SGCZ: variants seen among roughly 807,000 people sequenced by gnomAD.
SGCZ encodes the protein sarcoglycan zeta, also known as zeta-sarcoglycan.
SGCZ carries 40 observed loss-of-function variants against 41.3 expected under a neutral mutation model. The ratio of observed to expected loss-of-function variants is 0.97; its 90% confidence interval spans 0.75 to 1.26. SGCZ has a LOEUF of 1.26. Among genes scored for constraint, SGCZ ranks in the 50% most tolerant of loss-of-function variants. The pLI is 0.00. For missense variants in SGCZ, 552 were observed against 369.8 expected, an observed-to-expected ratio of 1.49 and a Z score of -4.04; for synonymous variants, 206 against 137.5, an observed-to-expected ratio of 1.50 and a Z score of -3.49.
intron 4 of SGCZ, among the ~76,000 whole-genome samples, chr8:14,232,544 GA>G (rs1307400449): frequency 6.6e-6 from 1 of 151,940 alleles, no homozygotes; most frequent in Non-Finnish European, 1.5e-5. Flanking sequence ...AGAAATTAAA[GA>G]TTATAATTAA....
intron 1 of SGCZ, among the ~76,000 whole-genome samples, chr8:14,622,254 G>C (rs376293864): frequency 2.0e-4 from 31 of 152,292 alleles, no homozygotes; most frequent in Non-Finnish European, 3.1e-4. Context: ...GGAGGAGGTA[G>C]TGAGTAACTG....
rs577290838 is a variant in SGCZ, at chr8:14,835,608, T to A, written c.40-280682A>T. Reference sequence around the variant, plus strand: ...TAAATAAGGCTGGGCCCAGTACCAATCCTTGAGGCACCCTGCTAGACACCT... The same window carrying A: ...TAAATAAGGCTGGGCCCAGTACCAAACCTTGAGGCACCCTGCTAGACACCT... On this transcript the variant is annotated intron_variant, in intron 1 of 7. Coordinates refer to ENST00000382080, the MANE Select transcript of SGCZ (RefSeq NM_139167.4). Among the ~76,000 whole-genome samples, 10 of 152,304 alleles carry A rather than the reference T, an allele frequency of 6.6e-5. No homozygotes were observed. In the South Asian group the frequency reaches 1.7e-3, roughly 25 times the overall value.
chr8:14,619,769 C>T (rs904898905), intron 1 of SGCZ, among the ~76,000 whole-genome samples: 4 of 152,100 alleles, frequency 2.6e-5, no homozygotes, highest in Non-Finnish European at 5.9e-5. Flanking sequence ...GAACTACAAA[C>T]CACGCTCAAC....
chr8:15,133,887 T>C (rs1808009334), intron 1 of SGCZ, among the ~76,000 whole-genome samples: 1 of 152,198 alleles, frequency 6.6e-6, no homozygotes, highest in Admixed American at 6.5e-5. Flanking sequence ...TTGCTAATTT[T>C]TGAGGGAAGT....
At chr8:14,245,097 C>A (rs1256161730) in intron 3 of SGCZ, among the ~76,000 whole-genome samples, 1 of 152,126 alleles carries the variant, frequency 6.6e-6, no homozygotes, top group Non-Finnish European at 1.5e-5. Flanking sequence ...CCTTCTCCTG[C>A]CTAATTGCCC....
intron 3 of SGCZ, among the ~76,000 whole-genome samples, chr8:14,252,390 G>C (rs184719885): frequency 2.0e-5 from 3 of 151,938 alleles, no homozygotes; most frequent in African/African-American, 7.2e-5. Context: ...CTGAAGCATT[G>C]ATACATATAT....
chr8:14,475,582 T>C (rs980416779), intron 2 of SGCZ, among the ~76,000 whole-genome samples: 3 of 152,186 alleles, frequency 2.0e-5, no homozygotes, highest in African/African-American at 4.8e-5. Context: ...GTTTTATGTC[T>C]TTATTGGTTG....
At chr8:14,097,247 C>T (rs1054695336) in intron 7 of SGCZ, among the ~76,000 whole-genome samples, 3 of 152,120 alleles carry the variant, frequency 2.0e-5, no homozygotes, top group Admixed American at 6.5e-5. Flanking sequence ...TATAAATTTC[C>T]CTCTACACAG....
intron 1 of SGCZ, among the ~76,000 whole-genome samples, chr8:15,099,670 A>G (rs1479196285): frequency 6.6e-6 from 1 of 152,214 alleles, no homozygotes; most frequent in East Asian, 1.9e-4. Context: ...CAAAAAAGAG[A>G]AAATTACACC....
At chr8:15,119,963 C>A (rs1439819051) in intron 1 of SGCZ, among the ~76,000 whole-genome samples, 1 of 151,440 alleles carries the variant, frequency 6.6e-6, no homozygotes. Flanking sequence ...GTGCATTCCA[C>A]CAAGCTCGGT....
At chr8:14,459,623 AC>A (rs1563343578) in intron 2 of SGCZ, among the ~76,000 whole-genome samples, 2 of 152,104 alleles carry the variant, frequency 1.3e-5, no homozygotes, top group East Asian at 3.9e-4. Context: ...TTATACAAGG[AC>A]AAAAACAGTA....
intron 1 of SGCZ, among the ~76,000 whole-genome samples, chr8:15,184,188 A>G (rs1421543663): frequency 6.6e-6 from 1 of 152,224 alleles, no homozygotes; most frequent in Non-Finnish European, 1.5e-5. Context: ...GTAATTATAA[A>G]TTCTTCATCA....
At chr8:14,554,238 G>A (rs1803961273) in intron 2 of SGCZ, among the ~76,000 whole-genome samples, 1 of 152,052 alleles carries the variant, frequency 6.6e-6, no homozygotes, top group South Asian at 2.1e-4. Context: ...ATTAGTCAAT[G>A]TACTTCAGGA....
Position 14,259,458 on chromosome 8 carries a change from T to C in SGCZ, c.337-21779A>G, listed in dbSNP as rs1430838515. On this transcript the variant is annotated intron_variant, in intron 3 of 7. Transcript: ENST00000382080. ...TATGGTTTTAGGTCGAACGTTTAAG[T>C]CTTTAATCCATCTTGAATTGATTTT... Among the ~76,000 whole-genome samples the C allele has an allele frequency of 6.0e-5, 9 of 150,894 alleles. No homozygotes were observed. In the East Asian group the frequency reaches 1.2e-3, roughly 20 times the overall value.
intron 2 of SGCZ, among the ~76,000 whole-genome samples, chr8:14,472,929 C>A (rs1175313451): frequency 1.3e-5 from 2 of 152,106 alleles, no homozygotes; most frequent in African/African-American, 2.4e-5. Context: ...AAGTTACCCC[C>A]ATCTTCTTGT....
intron 1 of SGCZ, among the ~76,000 whole-genome samples, chr8:15,068,779 C>A (rs1025756363): frequency 1.3e-5 from 2 of 152,114 alleles, no homozygotes; most frequent in African/African-American, 2.4e-5. Flanking sequence ...TTAATAAATT[C>A]TCTCATTTAA....
At chr8:14,178,962 G>C (rs1871099) in intron 4 of SGCZ, among the ~76,000 whole-genome samples, 48,112 of 152,064 alleles carry the variant, frequency 0.32, 8,304 homozygotes, top group East Asian at 0.69. Context: ...TCAGTTCTGT[G>C]ATAGGAGGAA....
chr8:14,262,846 T>G (rs1323807620), intron 3 of SGCZ, among the ~76,000 whole-genome samples: 1 of 149,908 alleles, frequency 6.7e-6, no homozygotes, highest in Non-Finnish European at 1.5e-5. Context: ...GCACAGAGCT[T>G]CTTGAATTAG....
chr8:14,474,998 A>G (rs1287873186), intron 2 of SGCZ, among the ~76,000 whole-genome samples: 1 of 152,190 alleles, frequency 6.6e-6, no homozygotes, highest in Non-Finnish European at 1.5e-5. Flanking sequence ...ATTCAGATAC[A>G]TATTTTTTCT....
Sources: allele counts gnomAD v4.1 joint callset (sites outside exome capture counted in the v4.1 genomes callset), GRCh38; gene constraint gnomAD v4.1.1; transcripts MANE v1.5; gene names NCBI Gene and HGNC (gene_info 2026-07-23, HGNC 2026-07-21).